Variants in AGTPBP1 observed in about 807,000 individuals in gnomAD.
AGTPBP1 encodes cytosolic carboxypeptidase 1.
A neutral mutation model predicts 143.9 loss-of-function variants in AGTPBP1; 70 were observed. The observed-to-expected ratio is 0.49, with a 90% CI of 0.40 to 0.59. AGTPBP1 has a LOEUF of 0.59. Ranked by LOEUF, AGTPBP1 falls within the 20% of genes least tolerant of loss-of-function variation. AGTPBP1 has a pLI of 0.00. For synonymous variants in AGTPBP1, 463 were observed against 500.2 expected (o/e 0.93, Z 0.99); for missense variants, 1,229 against 1,464.5 (o/e 0.84, Z 2.62).
the AGTPBP1 span, among the ~76,000 whole-genome samples, chr9:85,772,584 G>A: frequency 2.2e-4 from 33 of 152,122 alleles, no homozygotes; most frequent in Non-Finnish European, 4.6e-4. Context: ...CTGTCTCTAC[G>A]AAAAAATTTT....
intron 25 of AGTPBP1, among the ~76,000 whole-genome samples, chr9:85,560,422 T>C (rs1354847236): frequency 1.3e-5 from 2 of 152,198 alleles, no homozygotes; most frequent in African/African-American, 2.4e-5. Flanking sequence ...TTTCAAAAGA[T>C]GCTTCAGAGA....
chr9:85,663,063 C>T (rs1199769961), intron 8 of AGTPBP1, among the ~76,000 whole-genome samples: 2 of 152,132 alleles, frequency 1.3e-5, no homozygotes, highest in Non-Finnish European at 2.9e-5. Context: ...TCTGGCAGAT[C>T]CCAAAAGTTC....
At chr9:85,662,560 G>A (rs892868563) in intron 8 of AGTPBP1, among the ~76,000 whole-genome samples, 10 of 152,134 alleles carry the variant, frequency 6.6e-5, no homozygotes, top group Middle Eastern at 3.4e-3. Flanking sequence ...TTCCATATGA[G>A]ACTGCGATTT....
At chr9:85,560,879 A>G (rs973329713) in intron 25 of AGTPBP1, among the ~76,000 whole-genome samples, 2 of 152,202 alleles carry the variant, frequency 1.3e-5, no homozygotes. Context: ...ATGGAGTCCC[A>G]GAAGGAGAGA....
intron 2 of AGTPBP1, among the ~76,000 whole-genome samples, chr9:85,705,980 A>G (rs1027459863): frequency 6.6e-6 from 1 of 151,690 alleles, no homozygotes; most frequent in South Asian, 2.1e-4. Context: ...GTGAGCCACC[A>G]CGCCTGGACT....
the AGTPBP1 span, among the ~76,000 whole-genome samples, chr9:85,777,632 C>G: frequency 6.6e-6 from 1 of 152,166 alleles, no homozygotes; most frequent in Non-Finnish European, 1.5e-5. Flanking sequence ...TGAGGTCATC[C>G]GTTGGTGAGC....
chr9:85,686,367 A>G (rs1835487934), intron 3 of AGTPBP1, among the ~76,000 whole-genome samples: 1 of 152,094 alleles, frequency 6.6e-6, no homozygotes, highest in South Asian at 2.1e-4. Context: ...ATAAAGAGAA[A>G]CTTTCCATAA....
the AGTPBP1 span, among the ~76,000 whole-genome samples, chr9:85,790,354 T>C: frequency 6.6e-6 from 1 of 152,176 alleles, no homozygotes; most frequent in African/African-American, 2.4e-5. Flanking sequence ...ATAGGTTTTG[T>C]TGTTTTTAAA....
chr9:85,741,906 GGCGGCGGCGGCGGCAGCT>G lies in AGTPBP1; in HGVS notation c.-183_-166del, dbSNP rs1055300210. ...AAACCCCGGTGGCAGGCGAGGCGGA[GGCGGCGGCGGCGGCAGCT>G]GCGGCGGCGGCGCTGGAGGCGGCGG... On this transcript the variant is annotated 5_prime_UTR_variant, in exon 1 of 26. Transcript: ENST00000357081. The G allele has an allele frequency of 2.7e-5, 32 of 1,200,692 alleles. No individual in the cohort carries two copies. The highest frequency in any genetic ancestry group is 3.1e-5 in the Non-Finnish European group (29 of 941,302). The allele number at this position is 1,200,692 out of a possible 1,614,324, so 74.4% of individuals were successfully genotyped here.
chr9:85,759,202 G>C, the AGTPBP1 span, among the ~76,000 whole-genome samples: 1 of 152,086 alleles, frequency 6.6e-6, no homozygotes, highest in East Asian at 1.9e-4. Flanking sequence ...GTCAATATTA[G>C]ACAGATCCAT....
chr9:85,684,873 T>C (rs1835395398), intron 3 of AGTPBP1, among the ~76,000 whole-genome samples: 1 of 151,248 alleles, frequency 6.6e-6, no homozygotes, highest in African/African-American at 2.4e-5. Flanking sequence ...GCTATTATAA[T>C]AAATGACATT....
rs960283018 is a variant in AGTPBP1 at position 85,553,342 on chromosome 9, T to G, written c.3504-6056A>C. On this transcript the variant is annotated intron_variant, in intron 25 of 25. Transcript: ENST00000357081. ...TTGACTTTACAATGGTGCAAAACCA[T>G]TCCGTTATTTCAGTATAATATTCAA... is the stretch of plus-strand genomic sequence containing the variant. Among the ~76,000 whole-genome samples the G allele has an allele frequency of 2.5e-4, 38 of 152,260 alleles. 1 individual carries two copies. The highest frequency in any genetic ancestry group is 2.5e-3 in the Admixed American group (38 of 15,286).
At chr9:85,718,826 A>G (rs1489191866) in intron 1 of AGTPBP1, among the ~76,000 whole-genome samples, 2 of 152,180 alleles carry the variant, frequency 1.3e-5, no homozygotes, top group Non-Finnish European at 2.9e-5. Flanking sequence ...TCTTTAAACC[A>G]TCGTGAGTTA....
At chr9:85,589,759 T>C (rs1828840798) in intron 19 of AGTPBP1, 78 bp from the exon 20 acceptor site, 1 of 1,314,980 alleles carries the variant, frequency 7.6e-7, no homozygotes, top group Non-Finnish European at 1.0e-6. Context: ...CATCCAGATC[T>C]CCACATAACT....
chr9:85,678,796 T>C, intron 4 of AGTPBP1, among the ~76,000 whole-genome samples: 1 of 152,230 alleles, frequency 6.6e-6, no homozygotes, highest in East Asian at 1.9e-4. Flanking sequence ...AAAGATAATA[T>C]GCACACATAA....
chr9:85,590,467 T>C (rs1828889606), intron 19 of AGTPBP1, among the ~76,000 whole-genome samples: 1 of 152,186 alleles, frequency 6.6e-6, no homozygotes, highest in Non-Finnish European at 1.5e-5. Flanking sequence ...ATACCAAAAA[T>C]AAATTGTTCA....
intron 25 of AGTPBP1, among the ~76,000 whole-genome samples, chr9:85,572,016 T>TG (rs1827521012): frequency 1.1e-4 from 2 of 18,840 alleles, no homozygotes; most frequent in East Asian, 2.6e-3. Flanking sequence ...TTTTTTTTTT[T>TG]TTTTTTTTTT....
rs1433305448 is a variant in AGTPBP1 at position 85,576,745 on chromosome 9, T to C, written c.3343-1270A>G. ...AGGTTGGGAATATATGGGAGCTCTGTGTGCTTTCCACTCAATTTTGCTGTG... is the reference window on the plus strand; with the variant it reads ...AGGTTGGGAATATATGGGAGCTCTGCGTGCTTTCCACTCAATTTTGCTGTG... On this transcript the variant is annotated intron_variant, in intron 24 of 25. Transcript: ENST00000357081. Among the ~76,000 whole-genome samples the C allele has an allele frequency of 2.0e-5, 3 of 152,220 alleles. No homozygotes were observed. In the South Asian group the frequency reaches 6.2e-4, roughly 32 times the overall value.
the AGTPBP1 span, among the ~76,000 whole-genome samples, chr9:85,765,396 T>C: frequency 6.6e-6 from 1 of 152,228 alleles, no homozygotes; most frequent in Non-Finnish European, 1.5e-5. Context: ...GTCCATACTA[T>C]GTCCAGCCAA....
Sources: gnomAD v4.1 joint callset for allele counts (sites outside exome capture counted in the v4.1 genomes callset) on GRCh38, gnomAD v4.1.1 for gene constraint, MANE v1.5 for transcripts, NCBI Gene and HGNC (gene_info 2026-07-23, HGNC 2026-07-21) for gene names.